ISM1: variants seen among roughly 807,000 people sequenced by gnomAD.
ISM1 encodes isthmin-1.
ISM1 carries 25 observed loss-of-function variants against 46.3 expected under a neutral mutation model. That is an observed-to-expected ratio of 0.54 (90% CI 0.39 to 0.75). ISM1 has a LOEUF of 0.75. Among genes scored for constraint, ISM1 ranks in the 30% least tolerant of loss-of-function variants. The pLI, the probability that ISM1 is intolerant of heterozygous loss-of-function variation, is 0.00. For missense variants in ISM1, 536 were observed against 625.4 expected (o/e 0.86, Z 1.52); for synonymous variants, 255 against 256.7 (o/e 0.99, Z 0.06).
intron 3 of ISM1, among the ~76,000 whole-genome samples, chr20:13,281,323 G>C (rs2040236386): frequency 6.6e-6 from 1 of 152,100 alleles, no homozygotes; most frequent in South Asian, 2.1e-4. Context: ...ACTCTAGAAG[G>C]GATGTCTCTT....
intron 1 of ISM1, among the ~76,000 whole-genome samples, chr20:13,248,679 A>G (rs6105057): frequency 0.26 from 39,732 of 152,114 alleles, 5,329 homozygotes; most frequent in African/African-American, 0.34. Flanking sequence ...TCCTTCATCC[A>G]AAACCCAGTG....
intron 1 of ISM1, among the ~76,000 whole-genome samples, chr20:13,242,159 A>G (rs2123167595): frequency 6.6e-6 from 1 of 152,252 alleles, no homozygotes; most frequent in East Asian, 1.9e-4. Flanking sequence ...GATGCAGTAG[A>G]GGGAAAGGGT....
downstream of ISM1, among the ~76,000 whole-genome samples, chr20:13,301,964 A>G (rs1396076388): frequency 1.3e-5 from 2 of 152,238 alleles, no homozygotes; most frequent in Non-Finnish European, 2.9e-5. Context: ...AAAGCATAAA[A>G]GAGCAAGGGG....
intron 1 of ISM1, among the ~76,000 whole-genome samples, chr20:13,260,143 A>G (rs975137579): frequency 3.3e-5 from 5 of 152,240 alleles, no homozygotes; most frequent in Non-Finnish European, 5.9e-5. Context: ...AACAATCTGT[A>G]CAGGCAGGTG....
chr20:13,286,705 A>T (rs1019661104), intron 3 of ISM1, among the ~76,000 whole-genome samples: 2 of 152,182 alleles, frequency 1.3e-5, no homozygotes, highest in Admixed American at 6.5e-5. Flanking sequence ...AGGAGGCTCC[A>T]CAGCCCTGTG....
intron 1 of ISM1, among the ~76,000 whole-genome samples, chr20:13,242,217 G>A (rs1026220245): frequency 6.6e-6 from 1 of 152,158 alleles, no homozygotes; most frequent in African/African-American, 2.4e-5. Flanking sequence ...CTACATGGAT[G>A]TTGAAGTCAC....
intron 1 of ISM1, among the ~76,000 whole-genome samples, chr20:13,259,272 C>T (rs1271231219): frequency 1.4e-5 from 2 of 145,630 alleles, no homozygotes; most frequent in African/African-American, 5.0e-5. Flanking sequence ...CAGAGTGAGA[C>T]TCTGTCTCAA....
intron 1 of ISM1, among the ~76,000 whole-genome samples, chr20:13,229,548 A>C (rs891163359): frequency 6.6e-6 from 1 of 152,194 alleles, no homozygotes; most frequent in Non-Finnish European, 1.5e-5. Flanking sequence ...TAACTCTATC[A>C]CAATTTGTAT....
intron 1 of ISM1, among the ~76,000 whole-genome samples, chr20:13,224,577 C>T (rs2039491982): frequency 6.6e-6 from 1 of 152,252 alleles, no homozygotes; most frequent in East Asian, 1.9e-4. Context: ...AATCCATATA[C>T]ATCATTTTTA....
intron 3 of ISM1, 135 bp downstream of exon 3, chr20:13,280,033 G>A (rs1224243581): frequency 1.2e-6 from 1 of 816,422 alleles, no homozygotes. Flanking sequence ...CACAAAGGCT[G>A]TCTTCCGCAG....
the ISM1 span, among the ~76,000 whole-genome samples, chr20:13,310,910 G>C: frequency 5.3e-5 from 8 of 152,122 alleles, no homozygotes; most frequent in Non-Finnish European, 5.9e-5. Flanking sequence ...AAAATATAAA[G>C]AGGCCAGGCA....
chr20:13,267,311 G>C (rs1324593610), intron 1 of ISM1, among the ~76,000 whole-genome samples: 1 of 152,148 alleles, frequency 6.6e-6, no homozygotes, highest in African/African-American at 2.4e-5. Flanking sequence ...GTGTCTGGGG[G>C]GCAGGGCGGT....
At chr20:13,323,052 G>A in the ISM1 span, among the ~76,000 whole-genome samples, 5 of 152,020 alleles carry the variant, frequency 3.3e-5, no homozygotes, top group African/African-American at 7.2e-5. Flanking sequence ...TGCATACTCT[G>A]GGGGAAGACA....
intron 1 of ISM1, among the ~76,000 whole-genome samples, chr20:13,241,661 C>T (rs1286696949): frequency 1.3e-5 from 2 of 151,936 alleles, no homozygotes; most frequent in Non-Finnish European, 2.9e-5. Context: ...ACAAGTAGGA[C>T]GTTTGAGGAG....
chr20:13,270,822 TG>T (rs2123253230), intron 2 of ISM1, 79 bp downstream of exon 2: 1 of 1,378,666 alleles, frequency 7.3e-7, no homozygotes, highest in East Asian at 2.4e-5. Flanking sequence ...TGGAAACTGC[TG>T]CCTTACCTCA....
chr20:13,273,900 T>C (rs529738088), intron 2 of ISM1, among the ~76,000 whole-genome samples: 154 of 152,214 alleles, frequency 1.0e-3, no homozygotes, highest in Non-Finnish European at 2.0e-3. Context: ...ATTGATCTGA[T>C]GACGTTTTGG....
the ISM1 span, among the ~76,000 whole-genome samples, chr20:13,313,266 G>A: frequency 6.6e-6 from 1 of 152,220 alleles, no homozygotes; most frequent in Admixed American, 6.5e-5. Flanking sequence ...CACCTGTTAA[G>A]TTTAGCCTAA....
chr20:13,275,547 T>C (rs2040169564), intron 2 of ISM1, among the ~76,000 whole-genome samples: 2 of 152,224 alleles, frequency 1.3e-5, no homozygotes, highest in South Asian at 2.1e-4. Context: ...TCAGCCAGAC[T>C]TGACCTCCGT....
At chr20:13,284,823 A>T (rs995914701) in intron 3 of ISM1, among the ~76,000 whole-genome samples, 1 of 152,188 alleles carries the variant, frequency 6.6e-6, no homozygotes, top group African/African-American at 2.4e-5. Flanking sequence ...ATATGAAAAA[A>T]ATGTTTGGAA....
Sources: gnomAD v4.1 joint callset for allele counts (sites outside exome capture counted in the v4.1 genomes callset) on GRCh38, gnomAD v4.1.1 for gene constraint, MANE v1.5 for transcripts, NCBI Gene and HGNC (gene_info 2026-07-23, HGNC 2026-07-21) for gene names.